The following SH3BP2 variants were observed in gnomAD, a reference collection of about 807,000 sequenced individuals.
The protein encoded by SH3BP2 is SH3 domain binding protein 2.
In SH3BP2, 38 loss-of-function variants were observed where a neutral mutation model predicts 56.2. That is an observed-to-expected ratio of 0.68 (90% CI 0.52 to 0.89). The LOEUF (loss-of-function observed/expected upper bound fraction) is 0.89. Ranked by LOEUF, SH3BP2 falls within the 40% of genes least tolerant of loss-of-function variation. The pLI is 0.00. For synonymous variants in SH3BP2, 346 were observed against 316.7 expected (o/e 1.09, Z -0.98); for missense variants, 748 against 762.6 (o/e 0.98, Z 0.23).
intron 6 of SH3BP2, 43 bp from the exon 7 acceptor site, chr4:2,827,563 C>A: frequency 6.4e-7 from 1 of 1,551,666 alleles, no homozygotes; most frequent in Non-Finnish European, 8.7e-7. Flanking sequence ...GGAGACTGGG[C>A]CTGGGCCGGT....
rs187866523 is a variant in SH3BP2, at chr4:2,811,780, G to T, written c.-4-8834G>T. The T allele has an allele frequency of 2.5e-4, 40 of 159,582 alleles. No individual in the cohort carries two copies. The East Asian group carries it at 7.1e-3, about 28-fold the overall frequency. 9.9% of individuals were successfully genotyped at this position (159,582 alleles called of 1,614,324 possible). On this transcript the variant is annotated intron_variant, in intron 1 of 12. Transcript: ENST00000503393. ...AGTCCCTCAGTCCCTTGGTGTCAAA[G>T]GGCACAGAGATGGCCACCTTGAAAT...
chr4:2,819,528 C>G (rs1460842842), intron 1 of SH3BP2, among the ~76,000 whole-genome samples: 3 of 152,194 alleles, frequency 2.0e-5, no homozygotes, highest in African/African-American at 7.2e-5. Flanking sequence ...CTTAGCTGCT[C>G]CACTAAGGGC....
At chr4:2,828,839 C>A (rs991380686) in intron 7 of SH3BP2, among the ~76,000 whole-genome samples, 2 of 152,222 alleles carry the variant, frequency 1.3e-5, no homozygotes, top group African/African-American at 4.8e-5. Context: ...CTGCCCTGTT[C>A]CTTGCCAGCC....
At chr4:2,805,046 G>A (rs1327835646) in intron 1 of SH3BP2, among the ~76,000 whole-genome samples, 1 of 152,238 alleles carries the variant, frequency 6.6e-6, no homozygotes, top group East Asian at 1.9e-4. Context: ...CACAAGAGGT[G>A]ACTGTGGGCA....
At chr4:2,826,049 C>T (rs995568594) in intron 5 of SH3BP2, among the ~76,000 whole-genome samples, 1 of 152,268 alleles carries the variant, frequency 6.6e-6, no homozygotes, top group African/African-American at 2.4e-5. Flanking sequence ...GCTCCCGTCC[C>T]CTGGTCCAAG....
At position 2,831,489 on chromosome 4, in the gene SH3BP2, G is replaced by C; in HGVS notation, c.1242-82G>C. On this transcript the variant is annotated intron_variant, in intron 8 of 12. Transcript: ENST00000503393. This position sits in a 1 kb window ranked among gnomAD's most constrained non-coding sequence, Gnocchi z 4.1. Reference sequence around the variant, plus strand: ...GCAGCTTGCCGTCCTCACACAGAGGGTGGAGTGGGGAGGGGAGCAGAGGGT... The same window carrying C: ...GCAGCTTGCCGTCCTCACACAGAGGCTGGAGTGGGGAGGGGAGCAGAGGGT... 1 of 1,017,062 alleles carries C rather than the reference G, an allele frequency of 9.8e-7. No individual in the cohort carries two copies. Among genetic ancestry groups the C allele is most frequent in the Non-Finnish European group, 1.5e-6 (1 of 659,578 alleles). The allele number at this position is 1,017,062 out of a possible 1,614,324, so 63.0% of individuals were successfully genotyped here. A position where few individuals can be genotyped will look rare whatever the true frequency, so the allele number is the denominator to read the frequency against.
intron 1 of SH3BP2, chr4:2,818,658 C>A: frequency 1.0e-6 from 1 of 959,694 alleles, no homozygotes; most frequent in Non-Finnish European, 1.3e-6. Context: ...CTGCGGGGCT[C>A]CTTCGGGCCG....
intron 1 of SH3BP2, among the ~76,000 whole-genome samples, chr4:2,805,870 AAGGTGCAG>A (rs1723513393): frequency 6.6e-6 from 1 of 152,160 alleles, no homozygotes; most frequent in Non-Finnish European, 1.5e-5. Context: ...TGCTGCTGCC[AAGGTGCAG>A]AGAGGGAAGG....
At chr4:2,806,588 T>C (rs1560098067) in intron 1 of SH3BP2, among the ~76,000 whole-genome samples, 1 of 151,710 alleles carries the variant, frequency 6.6e-6, no homozygotes, top group East Asian at 1.9e-4. Context: ...CTTGCCTCAC[T>C]TCACTGTCTC....
At position 2,829,793 on chromosome 4, in the gene SH3BP2, G is replaced by C; in HGVS notation, c.887G>C (p.Cys296Ser). The C allele has an allele frequency of 6.2e-7, 1 of 1,613,238 alleles. No homozygotes were observed. Among genetic ancestry groups the C allele is most frequent in the Non-Finnish European group, 8.5e-7 (1 of 1,179,950 alleles). ...PTAPGLRKPPCFRESASPSPE... is the reference protein window; with the variant it reads ...PTAPGLRKPPSFRESASPSPE... ...GCACCCGGCCTCCGGAAACCCCCTTGCTTCCGGGAGAGTGCCAGCCCCAGC... is the reference window on the plus strand; with the variant it reads ...GCACCCGGCCTCCGGAAACCCCCTTCCTTCCGGGAGAGTGCCAGCCCCAGC... Residue 296 changes from cysteine (C) to serine (S), a missense_variant, in exon 8 of 13, where the codon TGC becomes TCC. Physicochemically the swap from Cys to Ser is moderately radical, Grantham distance 112. Around this residue, in one of 3 missense-constraint regions of SH3BP2, gnomAD observed 635 missense variants for 615.0 expected, o/e 1.03. Transcript: ENST00000503393. This position sits in a 1 kb window ranked among gnomAD's most constrained non-coding sequence, Gnocchi z 4.9.
intron 3 of SH3BP2, among the ~76,000 whole-genome samples, chr4:2,824,051 G>A (rs980403884): frequency 6.6e-6 from 1 of 152,258 alleles, no homozygotes; most frequent in Non-Finnish European, 1.5e-5. Flanking sequence ...TAGCCCATCA[G>A]GGAATGCTGG....
chr4:2,826,940 C>T (rs534567650), intron 5 of SH3BP2: 45 of 598,282 alleles, frequency 7.5e-5, no homozygotes, highest in African/African-American at 2.7e-4. Context: ...TGTGTTCCTG[C>T]GTGTGCTTGT....
chr4:2,832,075 C>T (rs1217044654), intron 10 of SH3BP2, 97 bp downstream of exon 10: 4 of 1,332,276 alleles, frequency 3.0e-6, no homozygotes, highest in African/African-American at 1.4e-5. Context: ...GAGTTGCTGG[C>T]ACAAGTTCAT....
chr4:2,812,090 C>T, intron 1 of SH3BP2: 1 of 1,142,572 alleles, frequency 8.8e-7, no homozygotes, highest in Non-Finnish European at 1.2e-6. Context: ...GCCCTGGCCT[C>T]TGACCACAGG....
chr4:2,824,669 T>A lies in SH3BP2; in HGVS notation c.296T>A (p.Ile99Asn), dbSNP rs548574112. The change falls in exon 4 of 13, where the codon ATC becomes AAC. Residue 99 changes from isoleucine (I) to asparagine (N), a missense_variant. Physicochemically the swap from Ile to Asn is moderately radical, Grantham distance 149. Coordinates refer to ENST00000503393, the MANE Select transcript of SH3BP2 (RefSeq NM_001122681.2). ...TSNNVFPFKIIHISKKHRTWF... is the reference protein window; with the variant it reads ...TSNNVFPFKINHISKKHRTWF... ...AACAACGTTTTCCCCTTCAAGATCATCCATATCAGCAAGAAGCACCGCACG... is the reference window on the plus strand; with the variant it reads ...AACAACGTTTTCCCCTTCAAGATCAACCATATCAGCAAGAAGCACCGCACG... 6.2e-7 allele frequency: 1 copy of A among 1,613,952 alleles called. No homozygotes were observed. Among genetic ancestry groups the A allele is most frequent in the African/African-American group, 1.3e-5 (1 of 75,022 alleles).
At chr4:2,818,275 G>T (rs947759210) in intron 1 of SH3BP2, 54 of 1,020,916 alleles carry the variant, frequency 5.3e-5, no homozygotes, top group Non-Finnish European at 6.1e-5. Flanking sequence ...GGAGGCGGGC[G>T]CCCGGGACGA....
In SH3BP2 at chr4:2,809,528, TG is replaced by T. The variant is rs149675012; in HGVS notation, c.-4-11083del. Among the ~76,000 whole-genome samples, 1,256 of 152,280 alleles carry T rather than the reference TG, an allele frequency of 8.2e-3. 18 individuals are homozygous for T. The highest frequency in any genetic ancestry group is 9.4e-3 in the Non-Finnish European group (639 of 68,012). On this transcript the variant is annotated intron_variant, in intron 1 of 12. Coordinates refer to ENST00000503393, the MANE Select transcript of SH3BP2 (RefSeq NM_001122681.2). Reference sequence around the variant, plus strand: ...GGTACCAGGCTGGGTACAGGGTCCCTGGGTGCCAGTCCCCATGCCACTGATC... The same window carrying T: ...GGTACCAGGCTGGGTACAGGGTCCCTGGTGCCAGTCCCCATGCCACTGATC...
In SH3BP2 at chr4:2,827,480, T is replaced by C. The variant is rs949564789; in HGVS notation, c.518-126T>C. The C allele has an allele frequency of 5.9e-6, 7 of 1,195,604 alleles. No individual in the cohort carries two copies. The African/African-American group carries it at 9.1e-5, about 16-fold the overall frequency. 74.1% of individuals were successfully genotyped at this position (1,195,604 alleles called of 1,614,324 possible). On this transcript the variant is annotated intron_variant, in intron 6 of 12. Transcript: ENST00000503393. ...GGCTCTGGCCTTCAGCGGCAGGGTCTGGACTCACAGTCCTCCCAGCAGGTG... is the reference window on the plus strand; with the variant it reads ...GGCTCTGGCCTTCAGCGGCAGGGTCCGGACTCACAGTCCTCCCAGCAGGTG...
intron 1 of SH3BP2, among the ~76,000 whole-genome samples, chr4:2,799,775 C>T (rs996232549): frequency 6.6e-6 from 1 of 152,174 alleles, no homozygotes; most frequent in Non-Finnish European, 1.5e-5. Context: ...ACCAAAGATG[C>T]CAGGGGCGCC....
Sources: gnomAD v4.1 joint callset for allele counts (sites outside exome capture counted in the v4.1 genomes callset) on GRCh38, gnomAD v4.1.1 for gene constraint, gnomAD v4.1.1 regional missense constraint, Gnocchi (gnomAD v3.1) non-coding constraint, MANE v1.5 for transcripts, NCBI Gene and HGNC (gene_info 2026-07-23, HGNC 2026-07-21) for gene names.